ELMO1: variants seen among roughly 807,000 people sequenced by gnomAD.
ELMO1 encodes engulfment and cell motility protein 1.
Under a neutral mutation model 98.9 loss-of-function variants are expected in ELMO1, and 26 were observed. That is an observed-to-expected ratio of 0.26 (90% CI 0.19 to 0.36). ELMO1 has a LOEUF of 0.36. ELMO1 is among the 10% of genes least tolerant of loss of function. ELMO1 has a pLI of 1.00. For missense variants in ELMO1, 627 were observed against 935.2 expected (o/e 0.67, Z 4.30); for synonymous variants, 346 against 346.0 (o/e 1.00, Z 0.00).
chr7:37,107,264 T>C (rs1785002385), intron 14 of ELMO1, among the ~76,000 whole-genome samples: 1 of 152,190 alleles, frequency 6.6e-6, no homozygotes, highest in Admixed American at 6.5e-5. Context: ...CTATATTGTT[T>C]GCATTTTTCA....
At chr7:37,207,393 A>G (rs1012742246) in intron 13 of ELMO1, among the ~76,000 whole-genome samples, 2 of 151,624 alleles carry the variant, frequency 1.3e-5, no homozygotes, top group African/African-American at 4.9e-5. Flanking sequence ...TCTACTAAAA[A>G]TACAAAAAAT....
At chr7:37,276,560 G>A (rs906544205) in intron 4 of ELMO1, among the ~76,000 whole-genome samples, 4 of 152,196 alleles carry the variant, frequency 2.6e-5, no homozygotes, top group African/African-American at 7.2e-5. Context: ...GCAGTGAGCC[G>A]AGATTACGCC....
chr7:36,914,587 C>T (rs1182244195), intron 16 of ELMO1, among the ~76,000 whole-genome samples: 2 of 150,968 alleles, frequency 1.3e-5, no homozygotes, highest in Admixed American at 1.3e-4. Context: ...GATCTCGGCT[C>T]ACTGCAACCT....
chr7:37,227,605 C>G (rs562901311), intron 8 of ELMO1, among the ~76,000 whole-genome samples: 9 of 152,176 alleles, frequency 5.9e-5, no homozygotes, highest in African/African-American at 2.2e-4. Context: ...AGGCTGATAT[C>G]GAACTCCTGA....
intron 1 of ELMO1, among the ~76,000 whole-genome samples, chr7:37,426,150 T>C (rs1157726006): frequency 7.3e-6 from 1 of 137,042 alleles, no homozygotes; most frequent in Non-Finnish European, 1.6e-5. Context: ...TTCTTTTTTT[T>C]TTTTTTTTTT....
At chr7:37,365,696 C>T (rs910213072) in intron 1 of ELMO1, among the ~76,000 whole-genome samples, 17 of 152,326 alleles carry the variant, frequency 1.1e-4, no homozygotes, top group East Asian at 1.9e-4. Flanking sequence ...CATTAATCAA[C>T]GCAGACAATC....
intron 15 of ELMO1, among the ~76,000 whole-genome samples, chr7:37,075,007 C>T (rs17170863): frequency 0.11 from 17,108 of 152,104 alleles, 1,120 homozygotes; most frequent in Middle Eastern, 0.19. Context: ...TTTCTCATGC[C>T]GCACTTATTC....
intron 7 of ELMO1, among the ~76,000 whole-genome samples, chr7:37,235,478 C>T (rs904806442): frequency 2.0e-5 from 3 of 152,072 alleles, no homozygotes; most frequent in Non-Finnish European, 4.4e-5. Flanking sequence ...TGGTCATACC[C>T]AGCATATTAA....
intron 11 of ELMO1, among the ~76,000 whole-genome samples, chr7:37,214,622 G>T (rs1295870817): frequency 6.6e-6 from 1 of 152,168 alleles, no homozygotes; most frequent in Non-Finnish European, 1.5e-5. Flanking sequence ...AGGGAGGAAT[G>T]AGAGAATACA....
At chr7:37,279,865 G>A (rs780100643) in intron 4 of ELMO1, among the ~76,000 whole-genome samples, 9 of 152,124 alleles carry the variant, frequency 5.9e-5, no homozygotes, top group Non-Finnish European at 1.3e-4. Context: ...TGTCACGGCC[G>A]GCCTTCCCCC....
intron 16 of ELMO1, among the ~76,000 whole-genome samples, chr7:37,003,804 T>C (rs959356176): frequency 6.6e-6 from 1 of 152,242 alleles, no homozygotes; most frequent in Non-Finnish European, 1.5e-5. Context: ...TAACTTCTTC[T>C]AGCTCTTGTT....
intron 1 of ELMO1, among the ~76,000 whole-genome samples, chr7:37,369,896 C>T (rs370524347): frequency 1.3e-5 from 2 of 152,308 alleles, no homozygotes; most frequent in African/African-American, 4.8e-5. Context: ...CTCCCTCTGA[C>T]GTCTCCCTAC....
At chr7:36,924,186 C>T (rs1785356500) in intron 16 of ELMO1, among the ~76,000 whole-genome samples, 1 of 152,220 alleles carries the variant, frequency 6.6e-6, no homozygotes, top group African/African-American at 2.4e-5. Flanking sequence ...AGATTTTAGA[C>T]TGTTGCCCAA....
intron 14 of ELMO1, among the ~76,000 whole-genome samples, chr7:37,117,653 C>A (rs551317753): frequency 2.4e-4 from 36 of 152,160 alleles, no homozygotes; most frequent in Admixed American, 4.6e-4. Flanking sequence ...TCACAATCAA[C>A]GAAATTAATG....
At chr7:37,363,947 C>T (rs975994014) in intron 1 of ELMO1, among the ~76,000 whole-genome samples, 10 of 152,190 alleles carry the variant, frequency 6.6e-5, no homozygotes, top group Admixed American at 3.9e-4. Context: ...AGGACTCTAA[C>T]CCCCCACAGG....
At chr7:37,219,451 CCAAA>C (rs1793475951) in intron 10 of ELMO1, among the ~76,000 whole-genome samples, 1 of 152,154 alleles carries the variant, frequency 6.6e-6, no homozygotes. Context: ...TCAGGCTACT[CCAAA>C]CAAAGCAATG....
chr7:37,233,056 G>A (rs1383282364), intron 8 of ELMO1, 39 bp downstream of exon 8: 1 of 1,527,676 alleles, frequency 6.5e-7, no homozygotes, highest in Non-Finnish European at 9.0e-7. Flanking sequence ...TATGACAGAA[G>A]ACAGTAAGGA....
chr7:37,277,482 G>A (rs1796907638), intron 4 of ELMO1, among the ~76,000 whole-genome samples: 1 of 152,208 alleles, frequency 6.6e-6, no homozygotes, highest in African/African-American at 2.4e-5. Context: ...GGAGATGCAG[G>A]AAGAAAAGGA....
intron 19 of ELMO1, among the ~76,000 whole-genome samples, chr7:36,877,698 C>T (rs546129994): frequency 6.6e-6 from 1 of 152,182 alleles, no homozygotes; most frequent in Non-Finnish European, 1.5e-5. Flanking sequence ...CTGACAGAAT[C>T]AGGTTTGTAT....
Sources: gnomAD v4.1 joint callset for allele counts (sites outside exome capture counted in the v4.1 genomes callset) on GRCh38, gnomAD v4.1.1 for gene constraint, MANE v1.5 for transcripts, NCBI Gene and HGNC (gene_info 2026-07-23, HGNC 2026-07-21) for gene names.